AXDND1: variants seen among roughly 807,000 people sequenced by gnomAD.
AXDND1 encodes axonemal dynein light chain domain-containing protein 1.
In AXDND1, 110 loss-of-function variants were observed where a neutral mutation model predicts 137.5. The ratio of observed to expected loss-of-function variants is 0.80; its 90% confidence interval spans 0.69 to 0.94. AXDND1 has a LOEUF of 0.94. AXDND1 is among the 40% of genes least tolerant of loss of function. The probability of loss-of-function intolerance (pLI) is 0.00; values close to 1 mark genes in which losing one functional copy is unlikely to be tolerated. For synonymous variants in AXDND1, 414 were observed against 399.7 expected, an observed-to-expected ratio of 1.04 and a Z score of -0.43; for missense variants, 1,191 against 1,169.8, an observed-to-expected ratio of 1.02 and a Z score of -0.26.
At chr1:179,432,912 A>G (rs544351592) in intron 15 of AXDND1, among the ~76,000 whole-genome samples, 2 of 152,226 alleles carry the variant, frequency 1.3e-5, no homozygotes, top group South Asian at 4.1e-4. Context: ...CAAAAAAAAA[A>G]AATGCAATGT....
In AXDND1 at chr1:179,370,048, A is replaced by G. The variant is rs1371808433; in HGVS notation, c.344A>G (p.Asp115Gly). The G allele has an allele frequency of 1.2e-6, 2 of 1,613,594 alleles. No homozygotes were observed. The highest frequency in any genetic ancestry group is 2.7e-5 in the African/African-American group (2 of 75,048). Residue 115 changes from aspartate (D) to glycine (G), a missense_variant, in exon 4 of 26, where the codon GAC becomes GGC. Coordinates refer to ENST00000367618, the MANE Select transcript of AXDND1 (RefSeq NM_144696.6). ...VRRNKFKYLI[D>G]HPVSLTGAGR... ...AGGAATAAATTCAAATACCTGATTGACCATCCCGTCTCCCTCACAGGAGCT... is the reference window on the plus strand; with the variant it reads ...AGGAATAAATTCAAATACCTGATTGGCCATCCCGTCTCCCTCACAGGAGCT...
At position 179,392,539 on chromosome 1, in the gene AXDND1, A is replaced by G. The variant is rs149680412; in HGVS notation, c.864-1364A>G. ...TGGTAGTTCTACTTTTAGTTCTTTG[A>G]AGAATCTCCATACTGTTTTCCATAG... On this transcript the variant is annotated intron_variant, in intron 9 of 25. Coordinates refer to ENST00000367618, the MANE Select transcript of AXDND1 (RefSeq NM_144696.6). 2.7e-4 allele frequency among the ~76,000 whole-genome samples: 41 copies of G among 152,300 alleles called. No homozygotes were observed. In the East Asian group the frequency reaches 7.9e-3, roughly 29 times the overall value.
At chr1:179,426,933 T>G (rs6425545) in intron 12 of AXDND1, among the ~76,000 whole-genome samples, 116,638 of 151,948 alleles carry the variant, frequency 0.77, 45,059 homozygotes, top group South Asian at 0.83. Flanking sequence ...AGGCTGAGGC[T>G]GGTGGATGGC....
At chr1:179,433,582 T>G (rs1009396306) in intron 15 of AXDND1, among the ~76,000 whole-genome samples, 10 of 152,198 alleles carry the variant, frequency 6.6e-5, no homozygotes, top group Admixed American at 4.6e-4. Context: ...CTCATTGGTT[T>G]CAAAGAACTT....
At chr1:179,475,265 C>T (rs969666083) in intron 17 of AXDND1, among the ~76,000 whole-genome samples, 3 of 152,214 alleles carry the variant, frequency 2.0e-5, no homozygotes, top group Admixed American at 6.5e-5. Flanking sequence ...GAGAAGAGGG[C>T]CACTGTCCTC....
Position 179,429,532 on chromosome 1 carries a change from T to C in AXDND1, c.1245T>C (p.Asn415=). ...YELALKVIER[N]RVILARRLYL... is the part of the protein sequence containing the mutation. ...TATTTTTATAGGTGATTGAAAGAAA[T>C]AGAGTCATATTGGCTAGAAGACTTT... The change falls in exon 13 of 26, where the codon AAT becomes AAC. Residue 415 remains asparagine (N), a synonymous_variant. Transcript: ENST00000367618. The C allele has an allele frequency of 2.0e-6, 3 of 1,534,918 alleles. No homozygotes were observed. Among genetic ancestry groups the C allele is most frequent in the Non-Finnish European group, 2.6e-6 (3 of 1,141,336 alleles).
intron 9 of AXDND1, among the ~76,000 whole-genome samples, chr1:179,390,956 A>G (rs144790357): frequency 0.011 from 1,610 of 152,056 alleles, 61 homozygotes; most frequent in Admixed American, 0.064. Context: ...ATAGGCATGC[A>G]CCATGACACC....
intron 9 of AXDND1, among the ~76,000 whole-genome samples, chr1:179,385,933 ATGT>A (rs1366491386): frequency 6.6e-6 from 1 of 151,656 alleles, no homozygotes; most frequent in Non-Finnish European, 1.5e-5. Context: ...TACTTTAAAG[ATGT>A]TGTTGCCCTA....
At position 179,511,325 on chromosome 1, in the gene AXDND1, TTTTA is replaced by T. The variant is rs1669031968; in HGVS notation, c.2496+1924_2496+1927del. Among the ~76,000 whole-genome samples the T allele has an allele frequency of 2.2e-5, 3 of 135,592 alleles. No individual in the cohort carries two copies. In the East Asian group the frequency reaches 6.6e-4, roughly 30 times the overall value. The allele number at this position is 135,592 out of a possible 152,430, so 89.0% of individuals were successfully genotyped here. A position where few individuals can be genotyped will look rare whatever the true frequency, so the allele number is the denominator to read the frequency against. ...TATTCCAATCATATACATAATATGA[TTTTA>T]TATATATATACACACACTACCACAT... On this transcript the variant is annotated intron_variant, in intron 21 of 25. Coordinates refer to ENST00000367618, the MANE Select transcript of AXDND1 (RefSeq NM_144696.6).
intron 4 of AXDND1, among the ~76,000 whole-genome samples, chr1:179,375,559 CATAT>C (rs546848005): frequency 6.7e-6 from 1 of 150,362 alleles, no homozygotes; most frequent in African/African-American, 2.4e-5. Context: ...ATACTGTACA[CATAT>C]ATGTACATAC....
At chr1:179,544,684 A>AAAAG (rs1449436508) in intron 25 of AXDND1, 21 of 151,668 alleles carry the variant, frequency 1.4e-4, no homozygotes, top group East Asian at 3.9e-4. Context: ...AAAAAAAAAA[A>AAAAG]AAAAAGAAAA....
intron 2 of AXDND1, among the ~76,000 whole-genome samples, chr1:179,367,505 C>G (rs1667566224): frequency 6.7e-6 from 1 of 149,888 alleles, no homozygotes; most frequent in Non-Finnish European, 1.5e-5. Context: ...CAGAACGAGA[C>G]TCCGTCTCAA....
chr1:179,521,252 C>T (rs1469355599), intron 21 of AXDND1, among the ~76,000 whole-genome samples: 2 of 152,116 alleles, frequency 1.3e-5, no homozygotes, highest in African/African-American at 4.8e-5. Context: ...ACCACCATTC[C>T]TATTTTAATT....
intron 2 of AXDND1, 125 bp from the exon 3 acceptor site, chr1:179,368,675 T>C: frequency 1.3e-6 from 1 of 761,304 alleles, no homozygotes; most frequent in Non-Finnish European, 2.1e-6. Context: ...TGTTACTATC[T>C]TTGTCAAATA....
At chr1:179,442,973 GTAAAAGAGAT>G (rs1659214239) in intron 15 of AXDND1, among the ~76,000 whole-genome samples, 1 of 152,146 alleles carries the variant, frequency 6.6e-6, no homozygotes, top group African/African-American at 2.4e-5. Flanking sequence ...TATGTATTAG[GTAAAAGAGAT>G]AGCGAGAAAG....
At position 179,477,026 on chromosome 1, in the gene AXDND1, A is replaced by G. The variant is rs1392454643; in HGVS notation, c.1998-6102A>G. Among the ~76,000 whole-genome samples, 5 of 151,158 alleles carry G rather than the reference A, an allele frequency of 3.3e-5. No homozygotes were observed. In the East Asian group the frequency reaches 9.6e-4, roughly 29 times the overall value. ...TTCAAGGCTGTTTTCATGTCGCTTC[A>G]TTCTTTTTCCTCTTTATTTTTTGGC... is the stretch of plus-strand genomic sequence containing the variant. On this transcript the variant is annotated intron_variant, in intron 17 of 25. Coordinates refer to ENST00000367618, the MANE Select transcript of AXDND1 (RefSeq NM_144696.6).
At position 179,379,361 on chromosome 1, in the gene AXDND1, A is replaced by G. The variant is rs373376663; in HGVS notation, c.496-36A>G. 1.4e-4 allele frequency: 221 copies of G among 1,595,866 alleles called. 2 individuals are homozygous for G. Among genetic ancestry groups the G allele is most frequent in the Middle Eastern group, 7.8e-4 (4 of 5,128 alleles). On this transcript the variant is annotated intron_variant, in intron 5 of 25. Transcript: ENST00000367618. The stretch of plus-strand genomic sequence containing the variant: ...AAGTGAATTTTTTCTCTATTAATAT[A>G]TTCATTCTTTTATTTTGCTTTTCTT...
intron 16 of AXDND1, among the ~76,000 whole-genome samples, chr1:179,463,887 C>T (rs1028578497): frequency 4.7e-4 from 71 of 152,192 alleles, no homozygotes; most frequent in African/African-American, 1.6e-3. Context: ...CCTTCTTTGT[C>T]TCTTTTGATC....
At chr1:179,540,560 T>C (rs1326399637) in intron 25 of AXDND1, among the ~76,000 whole-genome samples, 3 of 152,232 alleles carry the variant, frequency 2.0e-5, no homozygotes, top group African/African-American at 7.2e-5. Flanking sequence ...ATCCTTCCTC[T>C]GGAAGCTTCG....
Sources: gnomAD v4.1 joint callset for allele counts (sites outside exome capture counted in the v4.1 genomes callset) on GRCh38, gnomAD v4.1.1 for gene constraint, MANE v1.5 for transcripts, NCBI Gene and HGNC (gene_info 2026-07-23, HGNC 2026-07-21) for gene names.